Variants in SCLT1 observed in about 807,000 individuals in gnomAD.
The protein encoded by SCLT1 is sodium channel and clathrin linker 1.
A neutral mutation model predicts 112.8 loss-of-function variants in SCLT1; 78 were observed. The ratio of observed to expected loss-of-function variants is 0.69; its 90% CI spans 0.58 to 0.83. SCLT1 has a LOEUF of 0.83. SCLT1 is among the 40% of genes least tolerant of loss of function. The probability of loss-of-function intolerance (pLI) is 0.00; values close to 1 mark genes in which losing one functional copy is unlikely to be tolerated. For missense variants in SCLT1, 747 were observed against 770.4 expected (o/e 0.97, Z 0.36); for synonymous variants, 257 against 254.7 (o/e 1.01, Z -0.09).
intron 5 of SCLT1, among the ~76,000 whole-genome samples, chr4:129,007,577 T>C (rs1352242205): frequency 6.6e-6 from 1 of 152,192 alleles, no homozygotes; most frequent in South Asian, 2.1e-4. Context: ...TTCCATGGTA[T>C]ACATATTTTC....
At chr4:128,908,151 A>G (rs1734822901) in intron 18 of SCLT1, among the ~76,000 whole-genome samples, 1 of 152,176 alleles carries the variant, frequency 6.6e-6, no homozygotes, top group South Asian at 2.1e-4. Flanking sequence ...TCTATATTAT[A>G]TGAGAGAATT....
rs771586309 is a variant in SCLT1, at chr4:128,965,322, G to C, written c.778-4C>G. 1 of 1,580,172 alleles carries C rather than the reference G, an allele frequency of 6.3e-7. No homozygotes were observed. The highest frequency in any genetic ancestry group is 8.7e-7 in the Non-Finnish European group (1 of 1,151,014). Reference sequence around the variant, plus strand: ...GGGCAGACACCACATCCTTCTCCTAGAAAATAAAGAAACTAGAAGCTTACT... The same window carrying C: ...GGGCAGACACCACATCCTTCTCCTACAAAATAAAGAAACTAGAAGCTTACT... On this transcript the variant is annotated splice_polypyrimidine_tract_variant and splice_region_variant and intron_variant, in intron 10 of 20. Transcript: ENST00000281142.
At chr4:128,915,273 G>A (rs981261254) in intron 18 of SCLT1, among the ~76,000 whole-genome samples, 8 of 152,178 alleles carry the variant, frequency 5.3e-5, no homozygotes, top group Admixed American at 3.3e-4. Flanking sequence ...TACGGCCAAC[G>A]TGTACTTTTC....
At chr4:128,990,636 A>G (rs879818456) in intron 9 of SCLT1, among the ~76,000 whole-genome samples, 3 of 151,958 alleles carry the variant, frequency 2.0e-5, no homozygotes, top group Non-Finnish European at 4.4e-5. Context: ...CCAAATTGGA[A>G]AGGAAGAAGT....
intron 18 of SCLT1, among the ~76,000 whole-genome samples, chr4:128,908,435 T>C (rs1389856600): frequency 6.7e-6 from 1 of 149,702 alleles, no homozygotes; most frequent in Non-Finnish European, 1.5e-5. Context: ...ATTACAGATA[T>C]ACAGCCAAGG....
intron 5 of SCLT1, among the ~76,000 whole-genome samples, chr4:129,035,847 A>T (rs1579795564): frequency 6.7e-6 from 1 of 149,394 alleles, no homozygotes; most frequent in South Asian, 2.1e-4. Context: ...AATAATATGT[A>T]TTTTTTTTTT....
chr4:129,051,191 T>C (rs989543118), intron 2 of SCLT1, among the ~76,000 whole-genome samples: 4 of 152,166 alleles, frequency 2.6e-5, no homozygotes, highest in African/African-American at 9.7e-5. Flanking sequence ...TTGCTTAGGA[T>C]TGTCTTGGCT....
chr4:128,876,589 A>G (rs578108671), exon 4 of SCLT1: 15 of 152,378 alleles, frequency 9.8e-5, no homozygotes, highest in African/African-American at 3.6e-4. Context: ...TTTAATGCTC[A>G]GAACTCCATT....
chr4:128,924,720 G>C (rs768026502), intron 18 of SCLT1, among the ~76,000 whole-genome samples: 6 of 151,968 alleles, frequency 3.9e-5, no homozygotes, highest in Non-Finnish European at 7.4e-5. Flanking sequence ...TTCATTTCAG[G>C]TTATTTTTGT....
At chr4:129,055,542 C>T (rs1220640578) in intron 2 of SCLT1, among the ~76,000 whole-genome samples, 1 of 152,120 alleles carries the variant, frequency 6.6e-6, no homozygotes, top group African/African-American at 2.4e-5. Context: ...TGAGTTCTGC[C>T]CAGTCTGACC....
chr4:129,020,520 A>G (rs1460486903), intron 5 of SCLT1, among the ~76,000 whole-genome samples: 1 of 152,234 alleles, frequency 6.6e-6, no homozygotes, highest in Non-Finnish European at 1.5e-5. Flanking sequence ...ACAAGACTGG[A>G]TTTCTTCGGG....
intron 2 of SCLT1, among the ~76,000 whole-genome samples, chr4:129,057,312 G>A (rs1749492579): frequency 6.6e-6 from 1 of 151,604 alleles, no homozygotes; most frequent in South Asian, 2.1e-4. Flanking sequence ...CCTTTGTTAG[G>A]TTTTGGTATC....
chr4:128,993,804 G>T (rs888420783), intron 8 of SCLT1, among the ~76,000 whole-genome samples: 1 of 151,890 alleles, frequency 6.6e-6, no homozygotes, highest in Non-Finnish European at 1.5e-5. Context: ...TTTCATGCAG[G>T]ATAGTTAGTA....
chr4:128,875,648 G>GTGAT lies in SCLT1; in HGVS notation n.355+855_355+858dup, dbSNP rs551554981. On this transcript the variant is annotated intron_variant and non_coding_transcript_variant, in intron 4 of 7. Transcript: ENST00000503565. The stretch of plus-strand genomic sequence containing the variant: ...TAGTAACTTAGATATTGAAGTAGTT[G>GTGAT]TGATTATTTAAAGCAAGTCCATTGA... Among the ~76,000 whole-genome samples, 59 of 152,270 alleles carry GTGAT rather than the reference G, an allele frequency of 3.9e-4. 1 individual carries two copies. Among genetic ancestry groups the GTGAT allele is most frequent in the African/African-American group, 1.3e-3 (54 of 41,548 alleles).
intron 5 of SCLT1, among the ~76,000 whole-genome samples, chr4:129,029,028 C>T (rs1189327369): frequency 1.3e-5 from 2 of 152,142 alleles, no homozygotes; most frequent in Non-Finnish European, 2.9e-5. Context: ...CAGGAAACAA[C>T]AGGTGCTGGA....
intron 5 of SCLT1, among the ~76,000 whole-genome samples, chr4:129,021,286 A>C (rs1745448827): frequency 6.6e-6 from 1 of 152,154 alleles, no homozygotes; most frequent in Admixed American, 6.5e-5. Context: ...TTTCAAGCAC[A>C]AAACTGTGTG....
intron 1 of SCLT1, among the ~76,000 whole-genome samples, chr4:129,090,131 A>G (rs1352923743): frequency 2.0e-5 from 3 of 152,246 alleles, no homozygotes; most frequent in African/African-American, 7.2e-5. Flanking sequence ...AAATCTAACA[A>G]AAGATGTGCA....
intron 5 of SCLT1, among the ~76,000 whole-genome samples, chr4:129,009,527 A>G (rs72685310): frequency 2.0e-5 from 3 of 151,628 alleles, no homozygotes; most frequent in South Asian, 2.1e-4. Flanking sequence ...AAGAAAAAAA[A>G]AAAAAAAAGA....
At chr4:128,920,520 A>G (rs1282396246) in intron 18 of SCLT1, among the ~76,000 whole-genome samples, 5 of 152,182 alleles carry the variant, frequency 3.3e-5, no homozygotes, top group Non-Finnish European at 7.3e-5. Flanking sequence ...TTGAAGTCCT[A>G]GCCTCAAGTG....
Sources: gnomAD v4.1 joint callset for allele counts (sites outside exome capture counted in the v4.1 genomes callset) on GRCh38, gnomAD v4.1.1 for gene constraint, MANE v1.5 for transcripts, NCBI Gene and HGNC (gene_info 2026-07-23, HGNC 2026-07-21) for gene names.